FHIT: variants seen among roughly 807,000 people sequenced by gnomAD.
FHIT encodes fragile histidine triad diadenosine triphosphatase.
FHIT carries 19 observed loss-of-function variants against 17.9 expected under a neutral mutation model. The observed-to-expected ratio is 1.06, with a 90% CI of 0.74 to 1.56. FHIT has a LOEUF of 1.56. Ranked by LOEUF, FHIT falls within the 40% of genes most tolerant of loss-of-function variation. The pLI is 0.00. For synonymous variants in FHIT, 81 were observed against 69.7 expected, an observed-to-expected ratio of 1.16 and a Z score of -0.81; for missense variants, 248 against 189.2, an observed-to-expected ratio of 1.31 and a Z score of -1.82.
chr3:60,539,003 C>T (rs36196206), intron 4 of FHIT, among the ~76,000 whole-genome samples: 8,148 of 152,036 alleles, frequency 0.054, 308 homozygotes, highest in Non-Finnish European at 0.074. Flanking sequence ...AGTGAACAGG[C>T]AACCTACAGA....
At chr3:59,769,626 G>A (rs1337860599) in intron 8 of FHIT, among the ~76,000 whole-genome samples, 2 of 152,114 alleles carry the variant, frequency 1.3e-5, no homozygotes, top group Admixed American at 1.3e-4. Flanking sequence ...ACTTAAACTT[G>A]ATAATTATGT....
chr3:61,047,359 C>T (rs370006690), intron 2 of FHIT, among the ~76,000 whole-genome samples: 1 of 152,170 alleles, frequency 6.6e-6, no homozygotes, highest in Admixed American at 6.5e-5. Context: ...AGAGCCAAAT[C>T]ATGAGTGAAC....
chr3:60,920,309 C>T (rs1707213699), intron 3 of FHIT, among the ~76,000 whole-genome samples: 1 of 152,054 alleles, frequency 6.6e-6, no homozygotes, highest in African/African-American at 2.4e-5. Flanking sequence ...GAGAGAAAAG[C>T]TTAAGATTGC....
At chr3:60,204,524 C>T (rs1401413735) in intron 5 of FHIT, among the ~76,000 whole-genome samples, 1 of 151,530 alleles carries the variant, frequency 6.6e-6, no homozygotes, top group Non-Finnish European at 1.5e-5. Context: ...CTCCCGGGCT[C>T]AAGCAATCTT....
chr3:60,731,784 C>G (rs182260017), intron 4 of FHIT, among the ~76,000 whole-genome samples: 2 of 152,068 alleles, frequency 1.3e-5, no homozygotes, highest in African/African-American at 4.8e-5. Flanking sequence ...CAGCTGCAAC[C>G]AATTATTATT....
intron 5 of FHIT, among the ~76,000 whole-genome samples, chr3:60,402,055 T>G (rs1281217764): frequency 2.0e-5 from 3 of 151,928 alleles, no homozygotes; most frequent in Non-Finnish European, 4.4e-5. Context: ...TTACTAAGAG[T>G]CTTATTAAGG....
At chr3:60,837,455 T>C (rs1223531653) in intron 3 of FHIT, among the ~76,000 whole-genome samples, 3 of 152,196 alleles carry the variant, frequency 2.0e-5, no homozygotes, top group Admixed American at 2.0e-4. Context: ...GTTTGCATGA[T>C]ACATCTTTTC....
rs561044745 is a variant in FHIT, at chr3:59,856,959, C to A, written c.348+65387G>T. Among the ~76,000 whole-genome samples the A allele has an allele frequency of 2.0e-5, 3 of 151,796 alleles. No homozygotes were observed. The East Asian group carries it at 5.8e-4, about 29-fold the overall frequency. On this transcript the variant is annotated intron_variant, in intron 8 of 9. Coordinates refer to ENST00000492590, the MANE Select transcript of FHIT (RefSeq NM_002012.4). The stretch of plus-strand genomic sequence containing the variant: ...CAATTAGTGAATAAAGAAACTGAGT[C>A]AAGTGGAATTTCAACAACTCACCCA...
At chr3:60,144,702 T>A (rs1021566071) in intron 5 of FHIT, among the ~76,000 whole-genome samples, 3 of 152,146 alleles carry the variant, frequency 2.0e-5, no homozygotes, top group African/African-American at 7.2e-5. Context: ...TCAGGGTAGT[T>A]AGTATATCCA....
At chr3:59,804,618 C>T (rs1000316787) in intron 8 of FHIT, among the ~76,000 whole-genome samples, 3 of 151,998 alleles carry the variant, frequency 2.0e-5, no homozygotes, top group African/African-American at 7.3e-5. Context: ...GGGTGTATGC[C>T]CTATGTAAAT....
At chr3:60,882,821 C>T (rs1185501628) in intron 3 of FHIT, among the ~76,000 whole-genome samples, 1 of 152,104 alleles carries the variant, frequency 6.6e-6, no homozygotes, top group Non-Finnish European at 1.5e-5. Flanking sequence ...ATGATGCCCA[C>T]TCCCACCACT....
chr3:60,594,712 G>A (rs952315526), intron 4 of FHIT, among the ~76,000 whole-genome samples: 1 of 152,014 alleles, frequency 6.6e-6, no homozygotes, highest in Non-Finnish European at 1.5e-5. Context: ...TGCCACCCTT[G>A]TTCTAGAAAG....
chr3:59,763,786 G>A (rs1290168524), intron 8 of FHIT, among the ~76,000 whole-genome samples: 1 of 152,166 alleles, frequency 6.6e-6, no homozygotes, highest in Admixed American at 6.5e-5. Context: ...CATCTGTATG[G>A]TCTGTGCACT....
intron 7 of FHIT, among the ~76,000 whole-genome samples, chr3:60,007,093 T>C: frequency 6.6e-6 from 1 of 152,232 alleles, no homozygotes; most frequent in South Asian, 2.1e-4. Context: ...AAGCATAATC[T>C]ATAAACAGTT....
chr3:60,647,788 T>C (rs1308315715), intron 4 of FHIT, among the ~76,000 whole-genome samples: 1 of 152,130 alleles, frequency 6.6e-6, no homozygotes, highest in Non-Finnish European at 1.5e-5. Flanking sequence ...ATATGTAGAA[T>C]ACATACAATG....
intron 4 of FHIT, among the ~76,000 whole-genome samples, chr3:60,619,183 G>A (rs1415750375): frequency 6.7e-6 from 1 of 149,842 alleles, no homozygotes; most frequent in East Asian, 1.9e-4. Context: ...TCTTACAAGA[G>A]TAATTACATT....
chr3:60,743,829 G>A (rs782348108), intron 4 of FHIT, among the ~76,000 whole-genome samples: 2 of 152,210 alleles, frequency 1.3e-5, no homozygotes, highest in East Asian at 1.9e-4. Context: ...GAGACTCAGC[G>A]CTGGTTCTCT....
intron 7 of FHIT, among the ~76,000 whole-genome samples, chr3:60,010,266 A>G (rs201615124): frequency 6.6e-6 from 1 of 152,350 alleles, no homozygotes; most frequent in East Asian, 1.9e-4. Context: ...ACAGTGGGAC[A>G]GAGGAAAGCT....
At chr3:60,099,348 G>T (rs1014617165) in intron 5 of FHIT, among the ~76,000 whole-genome samples, 2 of 152,164 alleles carry the variant, frequency 1.3e-5, no homozygotes, top group Admixed American at 1.3e-4. Context: ...CAGGAACTGT[G>T]CTAAGCATGT....
Sources: gnomAD v4.1 joint callset for allele counts (sites outside exome capture counted in the v4.1 genomes callset) on GRCh38, gnomAD v4.1.1 for gene constraint, MANE v1.5 for transcripts, NCBI Gene and HGNC (gene_info 2026-07-23, HGNC 2026-07-21) for gene names.